GPN3: variants seen among roughly 807,000 people sequenced by gnomAD.
The protein encoded by GPN3 is ATP-binding domain 1 family member C.
Under a neutral mutation model 38.7 loss-of-function variants are expected in GPN3, and 31 were observed. That is an observed-to-expected ratio of 0.80 (90% CI 0.60 to 1.08). GPN3 has a LOEUF of 1.08. GPN3 is among the 50% of genes least tolerant of loss of function. The pLI is 0.00. For missense variants in GPN3, 301 were observed against 354.4 expected (o/e 0.85, Z 1.21); for synonymous variants, 116 against 120.2 (o/e 0.96, Z 0.23).
chr12:110,462,843 G>A (rs893094855), intron 2 of GPN3, among the ~76,000 whole-genome samples: 4 of 151,974 alleles, frequency 2.6e-5, no homozygotes, highest in Non-Finnish European at 4.4e-5. Flanking sequence ...CGCAAGCTCC[G>A]CCTCCCGGGT....
intron 7 of GPN3, 90 bp downstream of exon 7, chr12:110,453,653 T>C: frequency 9.9e-7 from 1 of 1,007,428 alleles, no homozygotes; most frequent in South Asian, 1.5e-5. Context: ...AAAAACTAAT[T>C]TAAGGAGTCG....
In GPN3 at chr12:110,456,049, G is replaced by A; in HGVS notation, c.451-119C>T. ...ACTGGCCTAAATAAAAGAAATGCAA[G>A]CTGGACGTGGTGGCTCATGCCTGTA... On this transcript the variant is annotated intron_variant, in intron 4 of 7. Coordinates refer to ENST00000228827, the MANE Select transcript of GPN3 (RefSeq NM_016301.4). 6.4e-6 allele frequency: 4 copies of A among 621,086 alleles called. No homozygotes were observed. The South Asian group carries it at 7.6e-5, about 12-fold the overall frequency. 38.5% of individuals were successfully genotyped at this position (621,086 alleles called of 1,614,324 possible).
intron 7 of GPN3, 80 bp downstream of exon 7, chr12:110,453,663 G>A (rs1459317935): frequency 9.1e-6 from 10 of 1,104,790 alleles, no homozygotes; most frequent in East Asian, 2.4e-5. Flanking sequence ...TTAAGGAGTC[G>A]CCTGGATTAT....
chr12:110,464,862 GA>G, intron 2 of GPN3: 1 of 456,648 alleles, frequency 2.2e-6, no homozygotes, highest in Non-Finnish European at 4.0e-6. Flanking sequence ...CAAAGTGCTG[GA>G]ATTACAGGCA....
intron 2 of GPN3, chr12:110,464,675 CT>C (rs1391446226): frequency 1.8e-5 from 3 of 163,008 alleles, no homozygotes; most frequent in Non-Finnish European, 4.0e-5. Context: ...TCACTGCAAC[CT>C]CTGTCTCCTG....
chr12:110,455,609 G>A lies in GPN3; in HGVS notation c.640C>T (p.Leu214=), dbSNP rs374796314. Residue 214 remains leucine (L), a synonymous_variant, in exon 6 of 8, where the codon CTG becomes TTG. Transcript: ENST00000228827. ...ACCAGTCCACATATAGCTTTAGTCAGTTTCTTGAATTTTTTGCTTCTTAAG... is the reference window on the plus strand; with the variant it reads ...ACCAGTCCACATATAGCTTTAGTCAATTTCTTGAATTTTTTGCTTCTTAAG... ...SDLRSKKFKK[L]TKAICGLIDD... is the part of the protein sequence containing the mutation. 26 of 1,452,694 alleles carry A rather than the reference G, an allele frequency of 1.8e-5. No individual in the cohort carries two copies. In the South Asian group the frequency reaches 3.0e-4, roughly 17 times the overall value. The allele number at this position is 1,452,694 out of a possible 1,614,324, so 90.0% of individuals were successfully genotyped here. A position where few individuals can be genotyped will look rare whatever the true frequency, so the allele number is the denominator to read the frequency against.
At chr12:110,468,698 C>G, upstream of GPN3, 1 of 1,520,804 alleles carries the variant, frequency 6.6e-7, no homozygotes, top group East Asian at 2.5e-5. Flanking sequence ...AAACGCTCAG[C>G]GACCGCAGCG....
rs1256360077 is a variant in GPN3, at chr12:110,465,057, C to G, written c.157+49G>C. On this transcript the variant is annotated intron_variant, in intron 2 of 7. Coordinates refer to ENST00000228827, the MANE Select transcript of GPN3 (RefSeq NM_016301.4). The stretch of plus-strand genomic sequence containing the variant: ...AAGCAGCTAGTACTCACTGCCTCCC[C>G]AGCCCTTACTGTTCCTGAAGGTGGG... The G allele has an allele frequency of 6.3e-6, 6 of 952,536 alleles. No individual in the cohort carries two copies. In the South Asian group the frequency reaches 7.7e-5, roughly 12 times the overall value. 59.0% of individuals were successfully genotyped at this position (952,536 alleles called of 1,614,324 possible).
In GPN3 at chr12:110,466,820, A is replaced by G. The variant is rs147251660; in HGVS notation, c.48+1336T>C. On this transcript the variant is annotated intron_variant, in intron 1 of 7. Coordinates refer to ENST00000228827, the MANE Select transcript of GPN3 (RefSeq NM_016301.4). ...CACATCACACTGTATCTTAATTGAC[A>G]GGTCATCTATTTGTCTTCCCCAAAA... 5.6e-3 allele frequency among the ~76,000 whole-genome samples: 859 copies of G among 152,200 alleles called. 5 individuals carry two copies. Among genetic ancestry groups the G allele is most frequent in the Middle Eastern group, 0.014 (4 of 294 alleles).
intron 2 of GPN3, among the ~76,000 whole-genome samples, chr12:110,460,752 A>G (rs1356256284): frequency 6.6e-6 from 1 of 152,146 alleles, no homozygotes; most frequent in Non-Finnish European, 1.5e-5. Flanking sequence ...GGATCATGAG[A>G]TCAGGAGTTC....
intron 6 of GPN3, among the ~76,000 whole-genome samples, chr12:110,454,574 A>T (rs1215921023): frequency 1.3e-5 from 2 of 150,674 alleles, no homozygotes; most frequent in African/African-American, 4.9e-5. Context: ...CTGGTCTTGA[A>T]CTCCTGACCT....
upstream of GPN3, chr12:110,468,566 C>T (rs1217722335): frequency 6.5e-7 from 1 of 1,537,272 alleles, no homozygotes; most frequent in Non-Finnish European, 8.7e-7. Flanking sequence ...GTATGGTGAC[C>T]CTCGCGATTT....
In GPN3 at chr12:110,455,994, A is replaced by G. The variant is rs562824714; in HGVS notation, c.451-64T>C. The G allele has an allele frequency of 1.4e-5, 12 of 860,126 alleles. No individual in the cohort carries two copies. In the East Asian group the frequency reaches 2.7e-4, roughly 19 times the overall value. 53.3% of individuals were successfully genotyped at this position (860,126 alleles called of 1,614,324 possible). A position where few individuals can be genotyped will look rare whatever the true frequency, so the allele number is the denominator to read the frequency against. The stretch of plus-strand genomic sequence containing the variant: ...TTGCCAACAGTTACCTGGTCTGCAT[A>G]AAGAGTCTTCTATTCCTCACTGGAA... On this transcript the variant is annotated intron_variant, in intron 4 of 7. Coordinates refer to ENST00000228827, the MANE Select transcript of GPN3 (RefSeq NM_016301.4).
At chr12:110,464,079 C>A (rs2062610751) in intron 2 of GPN3, among the ~76,000 whole-genome samples, 1 of 152,054 alleles carries the variant, frequency 6.6e-6, no homozygotes, top group African/African-American at 2.4e-5. Flanking sequence ...AAGTGATCCT[C>A]CCACATCAGC....
intron 3 of GPN3, 90 bp downstream of exon 3, chr12:110,459,605 A>G (rs2062572973): frequency 1.1e-6 from 1 of 878,264 alleles, no homozygotes. Flanking sequence ...AGTATAGTTT[A>G]GAGCTACAAA....
intron 1 of GPN3, among the ~76,000 whole-genome samples, chr12:110,466,632 A>T (rs2062629815): frequency 6.6e-6 from 1 of 151,944 alleles, no homozygotes. Flanking sequence ...AGTAGGTGGG[A>T]CTATAGGCTC....
intron 2 of GPN3, among the ~76,000 whole-genome samples, chr12:110,464,195 G>A (rs964891792): frequency 6.6e-6 from 1 of 152,056 alleles, no homozygotes; most frequent in African/African-American, 2.4e-5. Context: ...AGCCTGAGGA[G>A]CATATTACCA....
intron 6 of GPN3, 24 bp from the exon 7 acceptor site, chr12:110,453,895 A>G: frequency 1.3e-6 from 2 of 1,583,622 alleles, no homozygotes; most frequent in Non-Finnish European, 1.7e-6. Flanking sequence ...ATTTCAAGAA[A>G]AGTTCATTCT....
At chr12:110,464,790 T>G (rs2135528179) in intron 2 of GPN3, 1 of 284,616 alleles carries the variant, frequency 3.5e-6, no homozygotes. Flanking sequence ...AGACAGGGTT[T>G]CACCATGTTG....
Sources: allele counts gnomAD v4.1 joint callset (sites outside exome capture counted in the v4.1 genomes callset), GRCh38; gene constraint gnomAD v4.1.1; transcripts MANE v1.5; gene names NCBI Gene and HGNC (gene_info 2026-07-23, HGNC 2026-07-21).